The following TENM2 variants were observed in gnomAD, a reference collection of about 807,000 sequenced individuals.
TENM2 encodes teneurin-2.
Under a neutral mutation model 245.2 loss-of-function variants are expected in TENM2, and 52 were observed. The observed-to-expected ratio is 0.21, with a 90% CI of 0.17 to 0.27. The LOEUF (loss-of-function observed/expected upper bound fraction) is 0.27. Among genes scored for constraint, TENM2 ranks in the 10% least tolerant of loss-of-function variants. The probability of loss-of-function intolerance (pLI) is 1.00; values close to 1 mark genes in which losing one functional copy is unlikely to be tolerated. For missense variants in TENM2, 3,046 were observed against 3,666.8 expected (o/e 0.83, Z 4.37); for synonymous variants, 1,363 against 1,438.9 (o/e 0.95, Z 1.19).
rs1781055995 is a variant in TENM2 at position 167,962,086 on chromosome 5, A to G, written c.947+9264A>G. Among the ~76,000 whole-genome samples, 7 of 152,314 alleles carry G rather than the reference A, an allele frequency of 4.6e-5. No individual in the cohort carries two copies. In the South Asian group the frequency reaches 1.2e-3, roughly 27 times the overall value. On this transcript the variant is annotated intron_variant, in intron 4 of 28. Transcript: ENST00000518659. ...TGACAAATATCTGGTAGAGAGGACC[A>G]ATGAAACCACGCAGATCACTGTCCT...
chr5:168,047,272 C>A (rs1245137552), intron 5 of TENM2, among the ~76,000 whole-genome samples, 155 bp from the exon 8 acceptor site: 1 of 152,150 alleles, frequency 6.6e-6, no homozygotes, highest in African/African-American at 2.4e-5. Flanking sequence ...TCTCTGCTTT[C>A]TGTATTTAGC....
chr5:167,052,843 C>A, the TENM2 span, among the ~76,000 whole-genome samples: 1 of 151,732 alleles, frequency 6.6e-6, no homozygotes, highest in South Asian at 2.1e-4. Flanking sequence ...TACTTCTTCT[C>A]GTATCCAATC....
intron 2 of TENM2, among the ~76,000 whole-genome samples, chr5:167,552,087 A>G (rs1210748131): frequency 2.0e-5 from 3 of 152,222 alleles, no homozygotes; most frequent in Non-Finnish European, 4.4e-5. Context: ...TTATTAATCG[A>G]AATTCTCAAG....
At position 167,353,500 on chromosome 5, in the gene TENM2, G is replaced by GTTTTTTTTT. The variant is rs59240930; in HGVS notation, c.227-21681_227-21673dup. On this transcript the variant is annotated intron_variant, in intron 1 of 28. Transcript: ENST00000518659. ...TATGGTGTTTTTTGTTGTTGTTGTT[G>GTTTTTTTTT]TTTTTTTTTTTTTTTTTTTTTTTTT... is the stretch of plus-strand genomic sequence containing the variant. Among the ~76,000 whole-genome samples the GTTTTTTTTT allele has an allele frequency of 6.5e-4, 52 of 79,456 alleles. 1 individual carries two copies. Among genetic ancestry groups the GTTTTTTTTT allele is most frequent in the African/African-American group, 1.5e-3 (28 of 18,734 alleles). 52.1% of individuals were successfully genotyped at this position (79,456 alleles called of 152,430 possible).
intron 1 of TENM2, among the ~76,000 whole-genome samples, chr5:167,368,539 G>T (rs1206838196): frequency 4.6e-5 from 7 of 152,040 alleles, no homozygotes; most frequent in Non-Finnish European, 4.4e-5. Flanking sequence ...TATGACCAAT[G>T]ATTTTTTTAC....
chr5:167,153,673 A>G, the TENM2 span, among the ~76,000 whole-genome samples: 1 of 152,016 alleles, frequency 6.6e-6, no homozygotes, highest in South Asian at 2.1e-4. Context: ...TTAAATATAT[A>G]TATATATATA....
intron 9 of TENM2, among the ~76,000 whole-genome samples, chr5:168,101,749 A>C (rs1354919543): frequency 6.6e-6 from 1 of 152,150 alleles, no homozygotes; most frequent in Non-Finnish European, 1.5e-5. Context: ...AAAGAATAAA[A>C]TTGCTTTTCC....
At chr5:167,600,797 A>G (rs1776583750) in intron 2 of TENM2, among the ~76,000 whole-genome samples, 2 of 152,224 alleles carry the variant, frequency 1.3e-5, no homozygotes, top group African/African-American at 4.8e-5. Context: ...GGGCAAGAAG[A>G]TCCACATATG....
chr5:167,209,272 T>A, the TENM2 span, among the ~76,000 whole-genome samples: 1 of 152,242 alleles, frequency 6.6e-6, no homozygotes, highest in Admixed American at 6.5e-5. Context: ...TTAGTAATTT[T>A]TTTTTTTTTG....
intron 2 of TENM2, among the ~76,000 whole-genome samples, chr5:167,419,042 A>T (rs1367681445): frequency 6.6e-6 from 1 of 152,172 alleles, no homozygotes; most frequent in Non-Finnish European, 1.5e-5. Context: ...ACTTAAAATT[A>T]TGTATATATT....
rs148618362 is a variant in TENM2, at chr5:167,436,887, G to T, written c.502+61414G>T. 1.6e-3 allele frequency among the ~76,000 whole-genome samples: 246 copies of T among 152,322 alleles called. 6 individuals are homozygous for T. The East Asian group carries it at 0.027, about 17-fold the overall frequency. ...CAAGAATTGAGGTTTGGGAACCTCC[G>T]CCTACATTTCAGAAGATGTATGGAA... On this transcript the variant is annotated intron_variant, in intron 2 of 28. Transcript: ENST00000518659.
At chr5:167,698,299 G>A (rs912787777) in intron 2 of TENM2, among the ~76,000 whole-genome samples, 1 of 152,012 alleles carries the variant, frequency 6.6e-6, no homozygotes, top group East Asian at 1.9e-4. Context: ...TTTTTCTCAC[G>A]TTTATTTTCA....
At chr5:167,243,877 G>A in the TENM2 span, among the ~76,000 whole-genome samples, 3 of 152,116 alleles carry the variant, frequency 2.0e-5, no homozygotes, top group Admixed American at 2.0e-4. Flanking sequence ...TCTAGGACAA[G>A]TCTAAAATCC....
At chr5:167,997,274 G>T (rs1784120619) in intron 5 of TENM2, among the ~76,000 whole-genome samples, 1 of 152,134 alleles carries the variant, frequency 6.6e-6, no homozygotes, top group South Asian at 2.1e-4. Flanking sequence ...CCTCAAGATT[G>T]CAGTTAACCA....
At chr5:167,650,512 G>A (rs931508897) in intron 2 of TENM2, among the ~76,000 whole-genome samples, 2 of 152,102 alleles carry the variant, frequency 1.3e-5, no homozygotes, top group African/African-American at 4.8e-5. Context: ...AGGGCTTTAA[G>A]ACTCATTATG....
chr5:167,124,357 A>T, the TENM2 span, among the ~76,000 whole-genome samples: 319 of 152,220 alleles, frequency 2.1e-3, 1 homozygote, highest in African/African-American at 6.7e-3. Flanking sequence ...GTGTTGTTTT[A>T]TTTTATGTTC....
chr5:168,195,504 T>C (rs1194519986), intron 15 of TENM2, among the ~76,000 whole-genome samples: 3 of 150,350 alleles, frequency 2.0e-5, no homozygotes, highest in African/African-American at 2.5e-5. Context: ...CCAGCTTACC[T>C]AGTACAGCTC....
the TENM2 span, among the ~76,000 whole-genome samples, chr5:167,129,105 C>T: frequency 3.3e-5 from 5 of 152,136 alleles, no homozygotes; most frequent in Non-Finnish European, 7.3e-5. Flanking sequence ...CATATATTTT[C>T]CCCTTCATTT....
At chr5:167,162,319 A>G in the TENM2 span, among the ~76,000 whole-genome samples, 1 of 152,136 alleles carries the variant, frequency 6.6e-6, no homozygotes, top group Non-Finnish European at 1.5e-5. Flanking sequence ...TTCTAAGCAT[A>G]TATTCAAATA....
Sources: gnomAD v4.1 joint callset for allele counts (sites outside exome capture counted in the v4.1 genomes callset) on GRCh38, gnomAD v4.1.1 for gene constraint, MANE v1.5 for transcripts, NCBI Gene and HGNC (gene_info 2026-07-23, HGNC 2026-07-21) for gene names.